The following KANK1 variants were observed in gnomAD, a reference collection of about 807,000 sequenced individuals.
The protein encoded by KANK1 is KN motif and ankyrin repeat domain-containing protein 1.
In KANK1, 109 loss-of-function variants were observed where a neutral mutation model predicts 106.2. The observed-to-expected ratio is 1.03, with a 90% confidence interval of 0.88 to 1.20. The LOEUF is 1.20. Ranked by LOEUF, KANK1 falls within the 50% of genes most tolerant of loss-of-function variation. KANK1 has a pLI of 0.00. For synonymous variants in KANK1, 873 were observed against 652.2 expected, an observed-to-expected ratio of 1.34 and a Z score of -5.16; for missense variants, 2,399 against 1,710.7, an observed-to-expected ratio of 1.40 and a Z score of -7.10.
chr9:547,002 A>G (rs2060973173), intron 1 of KANK1, among the ~76,000 whole-genome samples: 1 of 152,220 alleles, frequency 6.6e-6, no homozygotes. Context: ...TTGGGAACAA[A>G]TCAGGTCATT....
chr9:477,848 C>T (rs183477554), intron 3 of KANK1: 1 of 152,390 alleles, frequency 6.6e-6, no homozygotes, highest in Non-Finnish European at 1.5e-5. Flanking sequence ...CATCTAGCCA[C>T]CTCTGCCATG....
In KANK1 at chr9:745,951, C is replaced by CT. The variant is rs1435183562; in HGVS notation, c.*717dup. The CT allele has an allele frequency of 6.6e-6, 1 of 152,648 alleles. No homozygotes were observed. The highest frequency in any genetic ancestry group is 1.9e-4 in the East Asian group (1 of 5,200). 9.5% of individuals were successfully genotyped at this position (152,648 alleles called of 1,614,324 possible). A position where few individuals can be genotyped will look rare whatever the true frequency, so the allele number is the denominator to read the frequency against. On this transcript the variant is annotated 3_prime_UTR_variant, in exon 12 of 12. Coordinates refer to ENST00000382297, the MANE Select transcript of KANK1 (RefSeq NM_015158.5). ...GGTTGGATTGTGTTAGAGGAATCGG[C>CT]TCTGTATTTGCCTCTAGAGAAACAC...
chr9:605,301 A>T (rs1828817936), intron 1 of KANK1, among the ~76,000 whole-genome samples: 1 of 16,336 alleles, frequency 6.1e-5, no homozygotes, highest in African/African-American at 1.7e-4. Context: ...ACTCCGTCTC[A>T]AAAAAAAAAA....
At chr9:595,817 C>T (rs1239437788) in intron 1 of KANK1, among the ~76,000 whole-genome samples, 2 of 151,922 alleles carry the variant, frequency 1.3e-5, no homozygotes, top group African/African-American at 4.9e-5. Context: ...CCACTGTGCC[C>T]AGCCTCATGA....
intron 1 of KANK1, among the ~76,000 whole-genome samples, chr9:526,903 A>T (rs1336388472): frequency 6.6e-6 from 1 of 151,772 alleles, no homozygotes; most frequent in Non-Finnish European, 1.5e-5. Flanking sequence ...ACTTCCCCCA[A>T]CACGTCTCTT....
chr9:498,067 G>A (rs1318154445), intron 3 of KANK1, among the ~76,000 whole-genome samples: 1 of 152,134 alleles, frequency 6.6e-6, no homozygotes, highest in Non-Finnish European at 1.5e-5. Flanking sequence ...TCTACCTGCA[G>A]CATACCCAAG....
chr9:497,849 T>A lies in KANK1; in HGVS notation c.-362+24576T>A, dbSNP rs1169971624. 5.3e-5 allele frequency among the ~76,000 whole-genome samples: 7 copies of A among 131,450 alleles called. No homozygotes were observed. In the East Asian group the frequency reaches 1.4e-3, roughly 26 times the overall value. 86.2% of individuals were successfully genotyped at this position (131,450 alleles called of 152,430 possible). ...GCCTGGGCGACAGAGTGAGACCCTGTATTAACCCCCCACACACACACACCC... is the reference window on the plus strand; with the variant it reads ...GCCTGGGCGACAGAGTGAGACCCTGAATTAACCCCCCACACACACACACCC... On this transcript the variant is annotated intron_variant, in intron 3 of 15. Transcript: ENST00000382303.
chr9:715,089 C>T (rs1827325982), intron 3 of KANK1, among the ~76,000 whole-genome samples: 1 of 152,088 alleles, frequency 6.6e-6, no homozygotes, highest in African/African-American at 2.4e-5. Context: ...CACTTTCAAA[C>T]CTGAATTATT....
rs574866833 is a variant in KANK1 at position 612,255 on chromosome 9, G to A, written c.-83-64635G>A. Among the ~76,000 whole-genome samples the A allele has an allele frequency of 3.3e-5, 5 of 152,268 alleles. No homozygotes were observed. The East Asian group carries it at 5.8e-4, about 18-fold the overall frequency. ...GTGGCTCTTGGGTAAGACTGAGAATGTGATTTTTGCAATCTGTGTTTTTTT... is the reference window on the plus strand; with the variant it reads ...GTGGCTCTTGGGTAAGACTGAGAATATGATTTTTGCAATCTGTGTTTTTTT... On this transcript the variant is annotated intron_variant, in intron 1 of 11. Coordinates refer to ENST00000382297, the MANE Select transcript of KANK1 (RefSeq NM_015158.5).
At chr9:549,917 G>A (rs1016339545) in intron 1 of KANK1, among the ~76,000 whole-genome samples, 3 of 152,066 alleles carry the variant, frequency 2.0e-5, no homozygotes, top group Admixed American at 6.6e-5. Context: ...GGGGTGGCAC[G>A]CACAAAGTCC....
intron 2 of KANK1, among the ~76,000 whole-genome samples, chr9:695,579 T>C (rs1018897707): frequency 6.7e-6 from 1 of 149,142 alleles, no homozygotes; most frequent in Non-Finnish European, 1.5e-5. Context: ...CTTGAACAAG[T>C]ATCACAAATA....
chr9:472,105 C>T (rs1159157436), intron 2 of KANK1, among the ~76,000 whole-genome samples: 2 of 152,196 alleles, frequency 1.3e-5, no homozygotes, highest in Admixed American at 1.3e-4. Flanking sequence ...TCATAAATGG[C>T]TGATAAAAAA....
At chr9:688,914 G>T (rs1233293982) in intron 2 of KANK1, among the ~76,000 whole-genome samples, 2 of 152,262 alleles carry the variant, frequency 1.3e-5, no homozygotes, top group African/African-American at 4.8e-5. Context: ...ATGGCTGGCT[G>T]GCCTGCTTTC....
At chr9:707,037 C>T (rs963109062) in intron 2 of KANK1, 19 of 985,340 alleles carry the variant, frequency 1.9e-5, no homozygotes, top group Non-Finnish European at 2.3e-5. Flanking sequence ...CAGCTGAGTG[C>T]GGCGGGGGTG....
intron 1 of KANK1, among the ~76,000 whole-genome samples, chr9:527,643 A>T (rs1159702934): frequency 6.6e-6 from 1 of 151,072 alleles, no homozygotes. Flanking sequence ...CAGCTTCTGC[A>T]CAAGGTTACA....
intron 1 of KANK1, among the ~76,000 whole-genome samples, chr9:659,250 A>T (rs1842797570): frequency 6.6e-6 from 1 of 152,160 alleles, no homozygotes; most frequent in Non-Finnish European, 1.5e-5. Flanking sequence ...TCATTTTCTT[A>T]AAATTAGAGG....
rs1020558850 is a variant in KANK1, at chr9:641,555, G to C, written c.-83-35335G>C. Among the ~76,000 whole-genome samples, 3 of 152,172 alleles carry C rather than the reference G, an allele frequency of 2.0e-5. No individual in the cohort carries two copies. In the East Asian group the frequency reaches 5.8e-4, roughly 29 times the overall value. On this transcript the variant is annotated intron_variant, in intron 1 of 11. Coordinates refer to ENST00000382297, the MANE Select transcript of KANK1 (RefSeq NM_015158.5). ...GAGTTCTAAGCGTTGGGATTCCAAG[G>C]CATATTACCCTGTACTGAAGAAACT...
intron 1 of KANK1, among the ~76,000 whole-genome samples, chr9:670,028 A>G (rs1283236542): frequency 1.3e-5 from 2 of 151,866 alleles, no homozygotes; most frequent in Non-Finnish European, 2.9e-5. Context: ...CCTCCAATAA[A>G]TTTTTCAGTT....
chr9:660,205 A>T (rs971320965), intron 1 of KANK1: 1 of 276,712 alleles, frequency 3.6e-6, no homozygotes, highest in Non-Finnish European at 7.8e-6. Flanking sequence ...ATGATACTGT[A>T]ATTGAGCATC....
Sources: gnomAD v4.1 joint callset for allele counts (sites outside exome capture counted in the v4.1 genomes callset) on GRCh38, gnomAD v4.1.1 for gene constraint, MANE v1.5 for transcripts, NCBI Gene and HGNC (gene_info 2026-07-23, HGNC 2026-07-21) for gene names.